The following TAFA5 variants were observed in gnomAD, a reference collection of about 807,000 sequenced individuals.
TAFA5 encodes chemokine-like protein TAFA-5.
A neutral mutation model predicts 15.3 loss-of-function variants in TAFA5; 6 were observed. That is an observed-to-expected ratio of 0.39 (90% CI 0.21 to 0.77). The LOEUF (loss-of-function observed/expected upper bound fraction) is 0.77. Ranked by LOEUF, TAFA5 falls within the 30% of genes least tolerant of loss-of-function variation. The probability of loss-of-function intolerance (pLI) is 0.41; values close to 1 mark genes in which losing one functional copy is unlikely to be tolerated. For missense variants in TAFA5, 161 were observed against 193.1 expected (o/e 0.83, Z 0.98); for synonymous variants, 103 against 80.7 (o/e 1.28, Z -1.48).
At chr22:48,602,986 C>T (rs967584896) in intron 1 of TAFA5, among the ~76,000 whole-genome samples, 2 of 152,178 alleles carry the variant, frequency 1.3e-5, no homozygotes, top group African/African-American at 2.4e-5. Flanking sequence ...GCCTCCTGGG[C>T]GTGTTCTATC....
At chr22:48,601,764 C>T (rs1055368011) in intron 1 of TAFA5, among the ~76,000 whole-genome samples, 6 of 152,308 alleles carry the variant, frequency 3.9e-5, no homozygotes, top group Admixed American at 2.6e-4. Context: ...CACAAGTGCA[C>T]GCCTGCATGC....
At chr22:48,639,172 G>C (rs573265274) in intron 1 of TAFA5, among the ~76,000 whole-genome samples, 10 of 152,174 alleles carry the variant, frequency 6.6e-5, no homozygotes, top group African/African-American at 1.2e-4. Flanking sequence ...CACTCCCTAC[G>C]GGAACTCTGG....
At chr22:48,556,791 T>C (rs133458) in intron 1 of TAFA5, among the ~76,000 whole-genome samples, 125,338 of 152,208 alleles carry the variant, frequency 0.82, 51,672 homozygotes, top group African/African-American at 0.86. Flanking sequence ...CACCTGATCA[T>C]GGCCTTGCTC....
chr22:48,739,015 C>G (rs1005917363), intron 3 of TAFA5, among the ~76,000 whole-genome samples: 5 of 152,326 alleles, frequency 3.3e-5, no homozygotes, highest in Non-Finnish European at 7.3e-5. Flanking sequence ...AACAATGAAC[C>G]TTAATGCTTT....
chr22:48,512,367 G>T (rs1040469032), intron 1 of TAFA5, among the ~76,000 whole-genome samples: 1 of 152,234 alleles, frequency 6.6e-6, no homozygotes, highest in African/African-American at 2.4e-5. Context: ...AGCACTTTGG[G>T]AGGCGACGGT....
At chr22:48,664,201 C>G (rs1927538391) in intron 2 of TAFA5, among the ~76,000 whole-genome samples, 1 of 152,184 alleles carries the variant, frequency 6.6e-6, no homozygotes. Flanking sequence ...GTTTGGTACT[C>G]TCTGCCGTTC....
chr22:48,644,344 C>T (rs1405065163), intron 1 of TAFA5, among the ~76,000 whole-genome samples: 1 of 152,200 alleles, frequency 6.6e-6, no homozygotes, highest in Non-Finnish European at 1.5e-5. Flanking sequence ...TTATGCCACC[C>T]CCTCCCCGCA....
intron 2 of TAFA5, among the ~76,000 whole-genome samples, chr22:48,673,276 G>GT (rs74485470): frequency 0.04 from 6,089 of 151,112 alleles, 183 homozygotes; most frequent in East Asian, 0.14. Context: ...CTCTGCAGAT[G>GT]TTTTTTGAAA....
intron 1 of TAFA5, among the ~76,000 whole-genome samples, chr22:48,637,949 C>T (rs1012667020): frequency 6.6e-6 from 1 of 152,144 alleles, no homozygotes; most frequent in Non-Finnish European, 1.5e-5. Flanking sequence ...CTGAGGCTGT[C>T]CTGCCCGGGG....
chr22:48,696,117 G>A (rs982143003), intron 2 of TAFA5, among the ~76,000 whole-genome samples: 4 of 152,176 alleles, frequency 2.6e-5, no homozygotes, highest in Admixed American at 1.3e-4. Flanking sequence ...CTCGGGGTTC[G>A]ATGGGCGGGT....
At chr22:48,562,328 C>T (rs62225924) in intron 1 of TAFA5, among the ~76,000 whole-genome samples, 9 of 152,090 alleles carry the variant, frequency 5.9e-5, no homozygotes, top group African/African-American at 1.7e-4. Context: ...TTAGTAGAGA[C>T]GGGGTTTCAC....
intron 1 of TAFA5, among the ~76,000 whole-genome samples, chr22:48,561,312 C>A (rs1281015918): frequency 6.6e-6 from 1 of 152,150 alleles, no homozygotes; most frequent in African/African-American, 2.4e-5. Flanking sequence ...ATAGCCGAGT[C>A]CCCTGGCTGC....
At chr22:48,611,744 C>T (rs1925418432) in intron 1 of TAFA5, among the ~76,000 whole-genome samples, 1 of 152,192 alleles carries the variant, frequency 6.6e-6, no homozygotes, top group African/African-American at 2.4e-5. Context: ...CCTCCTCCCA[C>T]CTTTTTCTGA....
At chr22:48,501,998 G>A (rs1337842676) in intron 1 of TAFA5, among the ~76,000 whole-genome samples, 3 of 152,232 alleles carry the variant, frequency 2.0e-5, no homozygotes, top group Admixed American at 2.0e-4. Flanking sequence ...TGAACTTAAA[G>A]CTGGAGGGGC....
At chr22:48,676,509 C>T (rs1927975633) in intron 2 of TAFA5, among the ~76,000 whole-genome samples, 4 of 152,090 alleles carry the variant, frequency 2.6e-5, no homozygotes. Context: ...GTGATTCTCC[C>T]AGGTATGCCT....
chr22:48,637,398 G>C (rs780784409), intron 1 of TAFA5, among the ~76,000 whole-genome samples: 1 of 152,180 alleles, frequency 6.6e-6, no homozygotes. Context: ...GTCTCAGTTC[G>C]AAAGCGGTTC....
At chr22:48,640,898 G>C (rs1156584447) in intron 1 of TAFA5, among the ~76,000 whole-genome samples, 1 of 145,360 alleles carries the variant, frequency 6.9e-6, no homozygotes, top group East Asian at 2.1e-4. Flanking sequence ...TGAGAACAGT[G>C]GGGGGCTGTT....
chr22:48,489,626 G>A lies in TAFA5; in HGVS notation c.34G>A (p.Asp12Asn), dbSNP rs750128983. 3.3e-6 allele frequency: 5 copies of A among 1,512,774 alleles called. No individual in the cohort carries two copies. The South Asian group carries it at 6.2e-5, about 19-fold the overall frequency. 93.7% of individuals were successfully genotyped at this position (1,512,774 alleles called of 1,614,324 possible). ...ATCGCCCAGGACCGGCAGCCGGCAAGATGCGACCGCCCTGCCCAGCATGTC... is the reference window on the plus strand; with the variant it reads ...ATCGCCCAGGACCGGCAGCCGGCAAAATGCGACCGCCCTGCCCAGCATGTC... ...APSPRTGSRQ[D>N]ATALPSMSST... The change falls in exon 1 of 4, where the codon GAT (aspartate) becomes AAT (asparagine). Residue 12 changes from aspartate to asparagine, a missense_variant. By Grantham distance (23) the Asp-to-Asn change is conservative (BLOSUM62 1). Coordinates refer to ENST00000402357, the MANE Select transcript of TAFA5 (RefSeq NM_001082967.3). The surrounding 1 kb of genome is among the most constrained non-coding windows in gnomAD (Gnocchi z 5.5).
At chr22:48,717,098 A>C (rs1929423998) in intron 3 of TAFA5, among the ~76,000 whole-genome samples, 1 of 152,252 alleles carries the variant, frequency 6.6e-6, no homozygotes, top group South Asian at 2.1e-4. Context: ...ATACAGTCGC[A>C]TCCTAAAGCA....
Sources: allele counts gnomAD v4.1 joint callset (sites outside exome capture counted in the v4.1 genomes callset), GRCh38; gene constraint gnomAD v4.1.1; non-coding constraint Gnocchi (gnomAD v3.1); transcripts MANE v1.5; gene names NCBI Gene and HGNC (gene_info 2026-07-23, HGNC 2026-07-21).